Variants in PLEKHH1 observed in about 807,000 individuals in gnomAD.
The protein encoded by PLEKHH1 is pleckstrin homology domain-containing family H member 1.
Under a neutral mutation model 160.0 loss-of-function variants are expected in PLEKHH1, and 104 were observed. The ratio of observed to expected loss-of-function variants is 0.65; its 90% confidence interval spans 0.55 to 0.76. PLEKHH1 has a LOEUF of 0.76. PLEKHH1 is among the 30% of genes least tolerant of loss of function. The pLI is 0.00. For missense variants in PLEKHH1, 1,427 were observed against 1,724.1 expected (o/e 0.83, Z 3.05); for synonymous variants, 619 against 678.4 (o/e 0.91, Z 1.36).
intron 1 of PLEKHH1, among the ~76,000 whole-genome samples, chr14:67,540,030 G>A (rs1057069877): frequency 6.6e-6 from 1 of 152,166 alleles, no homozygotes; most frequent in Non-Finnish European, 1.5e-5. Context: ...GTAGTATCTG[G>A]CAACAGTACA....
chr14:67,578,018 C>T lies in PLEKHH1; in HGVS notation c.2575-5C>T, dbSNP rs2035707554. 1 of 1,612,628 alleles carries T rather than the reference C, an allele frequency of 6.2e-7. No individual in the cohort carries two copies. Among genetic ancestry groups the T allele is most frequent in the Non-Finnish European group, 8.5e-7 (1 of 1,179,322 alleles). ...CTGCCTGTGCTCACTGCTGTTCCCT[C>T]CCAGTCCTGCCAGCTCTTCATCAAC... is the stretch of plus-strand genomic sequence containing the variant. On this transcript the variant is annotated splice_polypyrimidine_tract_variant and splice_region_variant and intron_variant, in intron 18 of 28. Coordinates refer to ENST00000329153, the MANE Select transcript of PLEKHH1 (RefSeq NM_020715.3). This position sits in a 1 kb window ranked among gnomAD's most constrained non-coding sequence, Gnocchi z 5.0.
rs184662601 is a variant in PLEKHH1 at position 67,544,074 on chromosome 14, C to T, written c.126+2081C>T. ...GCTGAAACAGACTTCTGCATCAAGT[C>T]AGGACTATTATTTCTTTTGATTAGT... is the stretch of plus-strand genomic sequence containing the variant. On this transcript the variant is annotated intron_variant, in intron 2 of 28. Transcript: ENST00000329153. Among the ~76,000 whole-genome samples the T allele has an allele frequency of 3.9e-5, 6 of 152,140 alleles. No individual in the cohort carries two copies. In the East Asian group the frequency reaches 1.2e-3, roughly 29 times the overall value.
rs1223709774 is a variant in PLEKHH1, at chr14:67,578,071, T to C, written c.2623T>C (p.Tyr875His). ...GCCGGTGGAAGCTGCCTCGGTGGAC[T>C]ACCATGTGTCCCTGGCCCAGACCGC... ...NVPVEAASVD[Y>H]HVSLAQTALQ... Residue 875 changes from tyrosine to histidine, a missense_variant, in exon 19 of 29, where the codon TAC (tyrosine) becomes CAC (histidine). Physicochemically the swap from Tyr to His is moderately conservative, Grantham distance 83 (BLOSUM62 2). Transcript: ENST00000329153. This position sits in a 1 kb window ranked among gnomAD's most constrained non-coding sequence, Gnocchi z 5.0. 1 of 1,613,884 alleles carries C rather than the reference T, an allele frequency of 6.2e-7. No homozygotes were observed. Among genetic ancestry groups the C allele is most frequent in the South Asian group, 1.1e-5 (1 of 91,080 alleles).
In PLEKHH1 at chr14:67,573,295, G is replaced by A; in HGVS notation, c.1748G>A (p.Gly583Asp). ...GLGGESLEKS[G>D]YLLKMGSQVK... ...CCTCAGGAGTCACTGGAGAAGTCGGGCTACCTGCTGAAAATGGGGAGCCAG... is the reference window on the plus strand; with the variant it reads ...CCTCAGGAGTCACTGGAGAAGTCGGACTACCTGCTGAAAATGGGGAGCCAG... Residue 583 changes from glycine (G) to aspartate (D), a missense_variant, in exon 12 of 29, where the codon GGC becomes GAC. Coordinates refer to ENST00000329153, the MANE Select transcript of PLEKHH1 (RefSeq NM_020715.3). This position sits in a 1 kb window ranked among gnomAD's most constrained non-coding sequence, Gnocchi z 4.8. 6.2e-7 allele frequency: 1 copy of A among 1,612,818 alleles called. No homozygotes were observed. The highest frequency in any genetic ancestry group is 8.5e-7 in the Non-Finnish European group (1 of 1,179,164).
chr14:67,564,199 C>T (rs1444781878), intron 7 of PLEKHH1, among the ~76,000 whole-genome samples: 1 of 152,148 alleles, frequency 6.6e-6, no homozygotes, highest in Non-Finnish European at 1.5e-5. Context: ...GTCGGGGTTT[C>T]ACCATGTTGG....
At chr14:67,570,117 T>C in intron 9 of PLEKHH1, 105 bp downstream of exon 9, 1 of 840,340 alleles carries the variant, frequency 1.2e-6, no homozygotes, top group South Asian at 1.5e-5. Flanking sequence ...CTGCACATGG[T>C]GACCCTGCCC....
chr14:67,545,119 C>T (rs924826198), intron 2 of PLEKHH1, among the ~76,000 whole-genome samples: 12 of 152,306 alleles, frequency 7.9e-5, no homozygotes, highest in Admixed American at 3.3e-4. Context: ...CATAAGCAAT[C>T]AAGCTCTAGG....
rs987704024 is a variant in PLEKHH1 at position 67,579,828 on chromosome 14, C to A, written c.3135C>A (p.Asp1045Glu). The change falls in exon 22 of 29, where the codon GAC (aspartate) becomes GAA (glutamate). Residue 1045 changes from aspartate (D) to glutamate (E), a missense_variant. Transcript: ENST00000329153. Reference sequence around the variant, plus strand: ...ACTCTGGCTTTGCCCTCTTCACGGACGATCCCTCGGGCAGGGACCTGGAGC... The same window carrying A: ...ACTCTGGCTTTGCCCTCTTCACGGAAGATCCCTCGGGCAGGGACCTGGAGC... ...PSHSGFALFT[D>E]DPSGRDLEHC... The A allele has an allele frequency of 6.2e-7, 1 of 1,608,580 alleles. No homozygotes were observed. Among genetic ancestry groups the A allele is most frequent in the South Asian group, 1.1e-5 (1 of 89,538 alleles).
intron 27 of PLEKHH1, 94 bp from the exon 28 acceptor site, chr14:67,585,857 C>A (rs2036133472): frequency 3.0e-6 from 4 of 1,352,964 alleles, no homozygotes; most frequent in Non-Finnish European, 4.1e-6. Context: ...TGGGAGTTCT[C>A]CTTTCCTGTG....
chr14:67,577,487 G>C, intron 18 of PLEKHH1, 73 bp downstream of exon 18: 1 of 957,950 alleles, frequency 1.0e-6, no homozygotes, highest in Non-Finnish European at 1.6e-6. Flanking sequence ...CTGTGCAGTT[G>C]GGGACAACCC....
rs2035625613 is a variant in PLEKHH1 at position 67,576,446 on chromosome 14, G to A, written c.2404G>A (p.Val802Met). ...TVAAGGSSAKVGTAYEQLIGK... is the reference protein window; with the variant it reads ...TVAAGGSSAKMGTAYEQLIGK... ...GGCTGCAGGTGGCAGCAGTGCCAAGGTGGGCACTGCCTATGAGCAGCTCAT... is the reference window on the plus strand; with the variant it reads ...GGCTGCAGGTGGCAGCAGTGCCAAGATGGGCACTGCCTATGAGCAGCTCAT... The change falls in exon 17 of 29, where the codon GTG (valine) becomes ATG (methionine). Residue 802 changes from valine (V) to methionine (M), a missense_variant. Coordinates refer to ENST00000329153, the MANE Select transcript of PLEKHH1 (RefSeq NM_020715.3). This position sits in a 1 kb window ranked among gnomAD's most constrained non-coding sequence, Gnocchi z 4.0. 4 of 1,610,054 alleles carry A rather than the reference G, an allele frequency of 2.5e-6. No homozygotes were observed. The African/African-American group carries it at 5.3e-5, about 21-fold the overall frequency.
chr14:67,582,407 A>AT lies in PLEKHH1; in HGVS notation c.3426+198dup, dbSNP rs2035944592. The AT allele has an allele frequency of 1.1e-6, 1 of 888,818 alleles. No homozygotes were observed. Among genetic ancestry groups the AT allele is most frequent in the African/African-American group, 1.7e-5 (1 of 59,682 alleles). 55.1% of individuals were successfully genotyped at this position (888,818 alleles called of 1,614,324 possible). ...CACCGCAGATATAGGATGCGTGCAG[A>AT]TGGCTGGACTTGGAATCCAGAGACC... On this transcript the variant is annotated intron_variant, in intron 24 of 28. Coordinates refer to ENST00000329153, the MANE Select transcript of PLEKHH1 (RefSeq NM_020715.3). This position sits in a 1 kb window ranked among gnomAD's most constrained non-coding sequence, Gnocchi z 5.0.
chr14:67,572,265 G>T lies in PLEKHH1; in HGVS notation c.1716G>T (p.Leu572=). The change falls in exon 11 of 29, where the codon CTG becomes CTT. Residue 572 remains leucine, a synonymous_variant. Coordinates refer to ENST00000329153, the MANE Select transcript of PLEKHH1 (RefSeq NM_020715.3). ...QRTSSYSTDG[L]GLGGESLEKS... ...CCTCATCCTACTCCACCGACGGGCT[G>T]GGCCTGGGCGGGGTGAGCCGGGAAA... The T allele has an allele frequency of 6.3e-7, 1 of 1,599,956 alleles. No homozygotes were observed. Among genetic ancestry groups the T allele is most frequent in the Non-Finnish European group, 8.5e-7 (1 of 1,175,292 alleles).
At position 67,579,208 on chromosome 14, in the gene PLEKHH1, CCAGG is replaced by C; in HGVS notation, c.2926_2929del (p.Arg976HisfsTer50). On this transcript the variant is annotated frameshift_variant, in exon 21 of 29. Coordinates refer to ENST00000329153, the MANE Select transcript of PLEKHH1 (RefSeq NM_020715.3). LOFTEE classifies it high-confidence loss of function. ...ACCCTGCGGACCGGGGAGCGGGAAGCCAGGCCATCGCGCATGGAAGTGGTGTCCA... is the reference window on the plus strand; with the variant it reads ...ACCCTGCGGACCGGGGAGCGGGAAGCCCATCGCGCATGGAAGTGGTGTCCA... 6.2e-7 allele frequency: 1 copy of C among 1,611,160 alleles called. No homozygotes were observed. The highest frequency in any genetic ancestry group is 8.5e-7 in the Non-Finnish European group (1 of 1,178,902).
At chr14:67,542,381 C>T (rs1367705517) in intron 2 of PLEKHH1, among the ~76,000 whole-genome samples, 2 of 152,182 alleles carry the variant, frequency 1.3e-5, no homozygotes, top group African/African-American at 4.8e-5. Context: ...AATAAATGAG[C>T]TACAGGAGGT....
chr14:67,584,698 T>G (rs1229567482), intron 26 of PLEKHH1, among the ~76,000 whole-genome samples: 1 of 152,214 alleles, frequency 6.6e-6, no homozygotes, highest in Admixed American at 6.5e-5. Flanking sequence ...GAGCTCCTAC[T>G]ATGTCCAGTG....
Position 67,581,274 on chromosome 14 carries a change from G to GCACA in PLEKHH1, c.3284+259_3284+262dup, listed in dbSNP as rs71129838. Among the ~76,000 whole-genome samples the GCACA allele has an allele frequency of 7.5e-3, 1,108 of 148,072 alleles. 10 individuals are homozygous for GCACA. The highest frequency in any genetic ancestry group is 0.012 in the Admixed American group (172 of 14,908). On this transcript the variant is annotated intron_variant, in intron 23 of 28. Transcript: ENST00000329153. ...ATACTGCGTGTGCGTGTGTGTATAT[G>GCACA]CACACACACACACACACACACACAC...
chr14:67,540,528 A>C (rs1328301197), intron 1 of PLEKHH1, among the ~76,000 whole-genome samples: 1 of 151,866 alleles, frequency 6.6e-6, no homozygotes, highest in Non-Finnish European at 1.5e-5. Flanking sequence ...CAGGAGGCTG[A>C]GGCATGAGAA....
At position 67,582,130 on chromosome 14, in the gene PLEKHH1, C is replaced by G; in HGVS notation, c.3346C>G (p.Gln1116Glu). 1 of 1,613,690 alleles carries G rather than the reference C, an allele frequency of 6.2e-7. No homozygotes were observed. The highest frequency in any genetic ancestry group is 8.5e-7 in the Non-Finnish European group (1 of 1,179,830). ...TDRERLLLAS[Q>E]TSREIVAGRF... Reference sequence around the variant, plus strand: ...CCGAGAACGGCTGCTCCTTGCCTCTCAAACCAGTAGAGAGATAGTGGCAGG... The same window carrying G: ...CCGAGAACGGCTGCTCCTTGCCTCTGAAACCAGTAGAGAGATAGTGGCAGG... The change falls in exon 24 of 29, where the codon CAA (glutamine) becomes GAA (glutamate). Residue 1116 changes from glutamine (Q) to glutamate (E), a missense_variant. Transcript: ENST00000329153. This position sits in a 1 kb window ranked among gnomAD's most constrained non-coding sequence, Gnocchi z 5.0.
Sources: allele counts gnomAD v4.1 joint callset (sites outside exome capture counted in the v4.1 genomes callset), GRCh38; gene constraint gnomAD v4.1.1; non-coding constraint Gnocchi (gnomAD v3.1); transcripts MANE v1.5; gene names NCBI Gene and HGNC (gene_info 2026-07-23, HGNC 2026-07-21).